TEAD1: variants seen among roughly 807,000 people sequenced by gnomAD.
TEAD1 encodes the protein transcriptional enhancer factor TEF-1.
A neutral mutation model predicts 54.9 loss-of-function variants in TEAD1; 9 were observed. The observed-to-expected ratio is 0.16, with a 90% CI of 0.10 to 0.29. The LOEUF (loss-of-function observed/expected upper bound fraction) is 0.29. Ranked by LOEUF, TEAD1 falls within the 10% of genes least tolerant of loss-of-function variation. TEAD1 has a pLI of 1.00. For missense variants in TEAD1, 387 were observed against 535.9 expected (o/e 0.72, Z 2.74); for synonymous variants, 200 against 187.8 (o/e 1.07, Z -0.53).
At chr11:12,739,768 A>C (rs1021759654) in intron 2 of TEAD1, among the ~76,000 whole-genome samples, 12 of 152,132 alleles carry the variant, frequency 7.9e-5, no homozygotes, top group African/African-American at 2.4e-4. Flanking sequence ...GTTACTGATT[A>C]CATGTTAGGT....
intron 2 of TEAD1, among the ~76,000 whole-genome samples, chr11:12,686,363 G>T (rs1165668436): frequency 6.6e-6 from 1 of 152,010 alleles, no homozygotes; most frequent in Admixed American, 6.6e-5. Context: ...ACAATAGAGG[G>T]GAATTTCAGG....
chr11:12,786,310 C>T (rs1945675765), intron 3 of TEAD1, among the ~76,000 whole-genome samples: 1 of 152,128 alleles, frequency 6.6e-6, no homozygotes, highest in Non-Finnish European at 1.5e-5. Context: ...CCCAGACCAC[C>T]ATGGATCCTC....
intron 3 of TEAD1, among the ~76,000 whole-genome samples, chr11:12,859,030 A>G (rs1947447081): frequency 6.6e-6 from 1 of 152,212 alleles, no homozygotes; most frequent in Non-Finnish European, 1.5e-5. Flanking sequence ...ACATGCCATT[A>G]TAATTTTATG....
intron 3 of TEAD1, among the ~76,000 whole-genome samples, chr11:12,811,754 G>A (rs1044461793): frequency 4.0e-5 from 6 of 151,664 alleles, no homozygotes; most frequent in African/African-American, 1.5e-4. Flanking sequence ...TAGGGGAGTG[G>A]TCTTGCCCAC....
At chr11:12,913,422 A>C (rs1530177) in intron 10 of TEAD1, among the ~76,000 whole-genome samples, 10,414 of 152,320 alleles carry the variant, frequency 0.068, 943 homozygotes, top group East Asian at 0.46. Flanking sequence ...TTTTAGACTT[A>C]TACGTATGTA....
At chr11:12,822,159 T>C (rs11022514) in intron 3 of TEAD1, among the ~76,000 whole-genome samples, 13,291 of 151,818 alleles carry the variant, frequency 0.088, 720 homozygotes, top group South Asian at 0.18. Context: ...GAGACAGGGT[T>C]TCACCATGTT....
At chr11:12,701,076 T>C (rs1199236820) in intron 2 of TEAD1, among the ~76,000 whole-genome samples, 2 of 152,232 alleles carry the variant, frequency 1.3e-5, no homozygotes, top group African/African-American at 2.4e-5. Flanking sequence ...TGTTTGATTC[T>C]TCATGTGTAC....
chr11:12,676,545 C>T (rs1340531911), intron 2 of TEAD1, among the ~76,000 whole-genome samples: 2 of 152,360 alleles, frequency 1.3e-5, no homozygotes, highest in East Asian at 3.9e-4. Context: ...CGGGTCCAAG[C>T]ATATCTGAAT....
intron 10 of TEAD1, among the ~76,000 whole-genome samples, chr11:12,921,771 G>T (rs1948811431): frequency 6.6e-6 from 1 of 152,036 alleles, no homozygotes; most frequent in Non-Finnish European, 1.5e-5. Context: ...TAGCCCCTCT[G>T]CCCTGGAGAC....
At chr11:12,868,885 C>T (rs1356234001) in intron 5 of TEAD1, among the ~76,000 whole-genome samples, 1 of 152,172 alleles carries the variant, frequency 6.6e-6, no homozygotes, top group African/African-American at 2.4e-5. Context: ...AGCTAGGGGG[C>T]TCTGCAGTAG....
At chr11:12,918,258 G>C (rs903511298) in intron 10 of TEAD1, among the ~76,000 whole-genome samples, 55 of 151,508 alleles carry the variant, frequency 3.6e-4, no homozygotes, top group African/African-American at 1.3e-3. Context: ...TGGGAGTTCA[G>C]TGACTGCATT....
intron 5 of TEAD1, chr11:12,865,123 G>A (rs1174713599): frequency 3.2e-5 from 19 of 602,262 alleles, no homozygotes; most frequent in Non-Finnish European, 4.8e-5. Context: ...GTGTGTGCGT[G>A]TGTATGTGTG....
At chr11:12,840,240 CTG>C (rs1302550133) in intron 3 of TEAD1, among the ~76,000 whole-genome samples, 5 of 77,506 alleles carry the variant, frequency 6.5e-5, no homozygotes, top group African/African-American at 1.0e-4. Flanking sequence ...GAGCGAGACT[CTG>C]CCTCAAAAAA....
At chr11:12,704,045 C>G (rs528299669) in intron 2 of TEAD1, among the ~76,000 whole-genome samples, 7 of 152,194 alleles carry the variant, frequency 4.6e-5, no homozygotes, top group African/African-American at 1.7e-4. Flanking sequence ...GTTAGAAGAA[C>G]TAGACTCCTA....
At chr11:12,882,473 C>G (rs1234324612) in intron 8 of TEAD1, among the ~76,000 whole-genome samples, 4 of 152,166 alleles carry the variant, frequency 2.6e-5, no homozygotes, top group Non-Finnish European at 5.9e-5. Context: ...CTCCTTTGCA[C>G]TACTTGAGGT....
intron 3 of TEAD1, among the ~76,000 whole-genome samples, chr11:12,835,048 A>G (rs1328243961): frequency 6.6e-6 from 1 of 152,156 alleles, no homozygotes; most frequent in African/African-American, 2.4e-5. Flanking sequence ...CTCTGTGACA[A>G]TATATATCAC....
chr11:12,785,770 A>T (rs1052087186), intron 3 of TEAD1, among the ~76,000 whole-genome samples: 1 of 152,166 alleles, frequency 6.6e-6, no homozygotes, highest in Non-Finnish European at 1.5e-5. Context: ...GGTCCAGGAG[A>T]TGGAAAACCT....
intron 2 of TEAD1, among the ~76,000 whole-genome samples, chr11:12,724,682 G>GT (rs1177380659): frequency 6.6e-6 from 1 of 152,240 alleles, no homozygotes; most frequent in Non-Finnish European, 1.5e-5. Context: ...CAGTGAGGCT[G>GT]TTTCTCCGGC....
intron 10 of TEAD1, among the ~76,000 whole-genome samples, chr11:12,910,945 C>CTA (rs1377785550): frequency 2.0e-5 from 3 of 152,034 alleles, no homozygotes; most frequent in Non-Finnish European, 4.4e-5. Flanking sequence ...TGGGGTTTCG[C>CTA]CATGTTGGCC....
Sources: allele counts gnomAD v4.1 joint callset (sites outside exome capture counted in the v4.1 genomes callset), GRCh38; gene constraint gnomAD v4.1.1; transcripts MANE v1.5; gene names NCBI Gene and HGNC (gene_info 2026-07-23, HGNC 2026-07-21).